The following TP53INP1 variants were observed in gnomAD, a reference collection of about 807,000 sequenced individuals.
The protein encoded by TP53INP1 is tumor protein p53-inducible nuclear protein 1.
In TP53INP1, 12 loss-of-function variants were observed where a neutral mutation model predicts 21.0. That is an observed-to-expected ratio of 0.57 (90% CI 0.37 to 0.93). TP53INP1 has a LOEUF of 0.93. TP53INP1 is among the 40% of genes least tolerant of loss of function. The pLI is 0.01. For missense variants in TP53INP1, 274 were observed against 294.7 expected, an observed-to-expected ratio of 0.93 and a Z score of 0.51; for synonymous variants, 91 against 94.8, an observed-to-expected ratio of 0.96 and a Z score of 0.23.
chr8:94,942,127 C>G (rs542115261), intron 1 of TP53INP1, among the ~76,000 whole-genome samples: 1 of 152,002 alleles, frequency 6.6e-6, no homozygotes, highest in Admixed American at 6.5e-5. Context: ...AGCTCTGCCT[C>G]CCGGGTTCAC....
At chr8:94,948,781 G>A (rs563104575) in intron 1 of TP53INP1, among the ~76,000 whole-genome samples, 22 of 152,252 alleles carry the variant, frequency 1.4e-4, no homozygotes, top group South Asian at 2.1e-4. Flanking sequence ...GGAGTGAGGA[G>A]GGGTGAGAGG....
intron 3 of TP53INP1, among the ~76,000 whole-genome samples, chr8:94,938,901 G>C (rs1419549130): frequency 2.0e-5 from 3 of 152,236 alleles, no homozygotes; most frequent in Non-Finnish European, 4.4e-5. Flanking sequence ...CCTGGGGCTT[G>C]AGATTGGCAT....
chr8:94,948,572 A>G (rs1563738481), intron 1 of TP53INP1, among the ~76,000 whole-genome samples: 1 of 152,124 alleles, frequency 6.6e-6, no homozygotes, highest in Non-Finnish European at 1.5e-5. Flanking sequence ...GGTTCCCCAT[A>G]GCCGCAGGGC....
In TP53INP1 at chr8:94,926,374, G is replaced by A. The variant is rs777377767; in HGVS notation, c.*4105C>T. ...TAACTCATGCCCTGCCCCTATAAAG[G>A]AAATATGTTCACAATTTTACTTGAG... On this transcript the variant is annotated 3_prime_UTR_variant, in exon 4 of 4. Transcript: ENST00000342697. The A allele has an allele frequency of 1.0e-4, 15 of 144,598 alleles. No homozygotes were observed. Among genetic ancestry groups the A allele is most frequent in the Admixed American group, 2.1e-4 (3 of 14,382 alleles). 9.0% of individuals were successfully genotyped at this position (144,598 alleles called of 1,614,324 possible). A position where few individuals can be genotyped will look rare whatever the true frequency, so the allele number is the denominator to read the frequency against.
At chr8:94,932,558 C>T (rs1820518755) in intron 3 of TP53INP1, among the ~76,000 whole-genome samples, 1 of 152,246 alleles carries the variant, frequency 6.6e-6, no homozygotes, top group Non-Finnish European at 1.5e-5. Context: ...AATCCCAGCA[C>T]TTTGGGAGGC....
At position 94,937,147 on chromosome 8, in the gene TP53INP1, T is replaced by C. The variant is rs183141765; in HGVS notation, c.473+2713A>G. Among the ~76,000 whole-genome samples, 502 of 152,274 alleles carry C rather than the reference T, an allele frequency of 3.3e-3. 2 individuals carry two copies. The highest frequency in any genetic ancestry group is 4.8e-3 in the Non-Finnish European group (329 of 68,020). On this transcript the variant is annotated intron_variant, in intron 3 of 3. Coordinates refer to ENST00000342697, the MANE Select transcript of TP53INP1 (RefSeq NM_033285.4). ...CCTGGATGTGGATAGTTAACTGTCA[T>C]TTCTTCAGACCAAAGGACACACTAT...
At chr8:94,938,056 T>C (rs561663379) in intron 3 of TP53INP1, among the ~76,000 whole-genome samples, 1 of 152,282 alleles carries the variant, frequency 6.6e-6, no homozygotes, top group African/African-American at 2.4e-5. Context: ...TGAATTGGGA[T>C]CAATTCATTA....
intron 1 of TP53INP1, among the ~76,000 whole-genome samples, chr8:94,943,341 T>G (rs1457148288): frequency 6.6e-6 from 1 of 152,086 alleles, no homozygotes; most frequent in African/African-American, 2.4e-5. Flanking sequence ...TTTAAAAAAT[T>G]AGCCAGGTAC....
chr8:94,939,861 T>C lies in TP53INP1; in HGVS notation c.472A>G (p.Arg158Gly). The change falls in exon 3 of 4, where the codon AGA becomes GGA. Residue 158 changes from arginine (R) to glycine (G), a missense_variant and splice_region_variant. Arg to Gly is a moderately radical substitution (Grantham distance 125). Coordinates refer to ENST00000342697, the MANE Select transcript of TP53INP1 (RefSeq NM_033285.4). The part of the protein sequence containing the change: ...TDELHSPSSP[R>G]VEAQNEMGQH... Reference sequence around the variant, plus strand: ...GAGAGTTAAATACTTGTAACGTACCTGGGACTACTTGGGCTATGTAATTCA... The same window carrying C: ...GAGAGTTAAATACTTGTAACGTACCCGGGACTACTTGGGCTATGTAATTCA... 4.3e-6 allele frequency: 7 copies of C among 1,610,280 alleles called. No individual in the cohort carries two copies. The highest frequency in any genetic ancestry group is 5.9e-6 in the Non-Finnish European group (7 of 1,177,586).
chr8:94,945,614 A>G (rs773187940), intron 1 of TP53INP1: 1 of 152,232 alleles, frequency 6.6e-6, no homozygotes, highest in Non-Finnish European at 1.5e-5. Context: ...CTGGTTCTAC[A>G]TGGAGGTAAA....
In TP53INP1 at chr8:94,929,076, C is replaced by T. The variant is rs1263802546; in HGVS notation, c.*1403G>A. 1 of 152,612 alleles carries T rather than the reference C, an allele frequency of 6.6e-6. No homozygotes were observed. Among genetic ancestry groups the T allele is most frequent in the Non-Finnish European group, 1.5e-5 (1 of 68,056 alleles). 9.5% of individuals were successfully genotyped at this position (152,612 alleles called of 1,614,324 possible). On this transcript the variant is annotated 3_prime_UTR_variant, in exon 4 of 4. Coordinates refer to ENST00000342697, the MANE Select transcript of TP53INP1 (RefSeq NM_033285.4). Reference sequence around the variant, plus strand: ...GGCTAGAGGTAAGGAAATAGATTTTCTCTAAGTTAACTGGCCTACGTGTGA... The same window carrying T: ...GGCTAGAGGTAAGGAAATAGATTTTTTCTAAGTTAACTGGCCTACGTGTGA...
intron 1 of TP53INP1, among the ~76,000 whole-genome samples, chr8:94,945,219 T>C (rs1335110973): frequency 1.3e-5 from 2 of 152,228 alleles, no homozygotes; most frequent in South Asian, 2.1e-4. Flanking sequence ...AGTCTAAATA[T>C]AGATCAAGTA....
chr8:94,930,652 C>G lies in TP53INP1; in HGVS notation c.550G>C (p.Glu184Gln). The G allele has an allele frequency of 1.9e-6, 3 of 1,614,114 alleles. No homozygotes were observed. Among genetic ancestry groups the G allele is most frequent in the Non-Finnish European group, 2.5e-6 (3 of 1,180,020 alleles). The stretch of plus-strand genomic sequence containing the variant: ...GAAGGGCGAAAGCTCTTGGGTTGTT[C>G]CAGAAAAGTTGTATGAGCAGCAAGA... ...AALAAHTTFLEQPKSFRPSQW... is the reference protein window; with the variant it reads ...AALAAHTTFLQQPKSFRPSQW... Residue 184 changes from glutamate to glutamine, a missense_variant, in exon 4 of 4, where the codon GAA (glutamate) becomes CAA (glutamine). Coordinates refer to ENST00000342697, the MANE Select transcript of TP53INP1 (RefSeq NM_033285.4).
chr8:94,938,401 TCCTGGCATACAA>T (rs1821200273), intron 3 of TP53INP1, among the ~76,000 whole-genome samples: 1 of 152,220 alleles, frequency 6.6e-6, no homozygotes, highest in Admixed American at 6.5e-5. Context: ...CTTGTCAGTC[TCCTGGCATACAA>T]CTCCTAAAAT....
intron 1 of TP53INP1, among the ~76,000 whole-genome samples, chr8:94,942,769 G>A (rs1438799006): frequency 6.6e-6 from 1 of 152,188 alleles, no homozygotes; most frequent in East Asian, 1.9e-4. Flanking sequence ...GAGTGGCTGA[G>A]GTCAGTAATG....
rs1819988367 is a variant in TP53INP1 at position 94,927,385 on chromosome 8, C to T, written c.*3094G>A. 1 of 152,158 alleles carries T rather than the reference C, an allele frequency of 6.6e-6. No homozygotes were observed. The highest frequency in any genetic ancestry group is 2.4e-5 in the African/African-American group (1 of 41,424). The allele number at this position is 152,158 out of a possible 1,614,324, so 9.4% of individuals were successfully genotyped here. On this transcript the variant is annotated 3_prime_UTR_variant, in exon 4 of 4. Coordinates refer to ENST00000342697, the MANE Select transcript of TP53INP1 (RefSeq NM_033285.4). Reference sequence around the variant, plus strand: ...CAGAAACAATGCTGAACAGCCTGCTCAAGTTTTAAATAAACTGTCTTCTCA... The same window carrying T: ...CAGAAACAATGCTGAACAGCCTGCTTAAGTTTTAAATAAACTGTCTTCTCA...
At chr8:94,941,527 C>G (rs1821531310) in intron 1 of TP53INP1, among the ~76,000 whole-genome samples, 1 of 152,222 alleles carries the variant, frequency 6.6e-6, no homozygotes, top group African/African-American at 2.4e-5. Flanking sequence ...CTCTTCTACT[C>G]TGTACTTCTT....
At chr8:94,942,086 G>A (rs995137757) in intron 1 of TP53INP1, among the ~76,000 whole-genome samples, 8 of 151,592 alleles carry the variant, frequency 5.3e-5, no homozygotes, top group African/African-American at 1.9e-4. Flanking sequence ...AGGCTGGAGT[G>A]CATGCAGTGA....
chr8:94,935,119 GTAGATAGATATAGA>G, intron 3 of TP53INP1, among the ~76,000 whole-genome samples: 1 of 115,850 alleles, frequency 8.6e-6, no homozygotes, highest in African/African-American at 3.4e-5. Context: ...AGGTACATAG[GTAGATAGATATAGA>G]TAGATAGATA....
Sources: gnomAD v4.1 joint callset for allele counts (sites outside exome capture counted in the v4.1 genomes callset) on GRCh38, gnomAD v4.1.1 for gene constraint, MANE v1.5 for transcripts, NCBI Gene and HGNC (gene_info 2026-07-23, HGNC 2026-07-21) for gene names.